PLD1: variants seen among roughly 807,000 people sequenced by gnomAD.
PLD1 encodes phospholipase D1.
PLD1 carries 112 observed loss-of-function variants against 137.1 expected under a neutral mutation model. That is an observed-to-expected ratio of 0.82 (90% CI 0.70 to 0.96). PLD1 has a LOEUF of 0.96. Ranked by LOEUF, PLD1 falls within the 40% of genes least tolerant of loss-of-function variation. The probability of loss-of-function intolerance (pLI) is 0.00; values close to 1 mark genes in which losing one functional copy is unlikely to be tolerated. For synonymous variants in PLD1, 431 were observed against 454.7 expected (o/e 0.95, Z 0.66); for missense variants, 1,321 against 1,342.0 (o/e 0.98, Z 0.24).
At chr3:171,706,821 C>T (rs908645499) in intron 11 of PLD1, among the ~76,000 whole-genome samples, 7 of 152,098 alleles carry the variant, frequency 4.6e-5, no homozygotes, top group Admixed American at 6.5e-5. Flanking sequence ...CTAGTGCAGT[C>T]GTGAAAAATA....
rs1413720177 is a variant in PLD1 at position 171,612,667 on chromosome 3, C to T, written c.2729-235G>A. Among the ~76,000 whole-genome samples the T allele has an allele frequency of 2.0e-5, 3 of 152,094 alleles. No individual in the cohort carries two copies. The highest frequency in any genetic ancestry group is 3.9e-4 in the East Asian group (2 of 5,184). ...TTAGTGACTGGCTTAGAAATGGGCTCTTGACATGGTGCTAGCCAATGTGAC... is the reference window on the plus strand; with the variant it reads ...TTAGTGACTGGCTTAGAAATGGGCTTTTGACATGGTGCTAGCCAATGTGAC... On this transcript the variant is annotated intron_variant, in intron 24 of 26. Transcript: ENST00000351298. This position sits in a 1 kb window ranked among gnomAD's most constrained non-coding sequence, Gnocchi z 4.1.
intron 1 of PLD1, among the ~76,000 whole-genome samples, chr3:171,755,375 C>G (rs1720950005): frequency 6.6e-6 from 1 of 152,134 alleles, no homozygotes; most frequent in Non-Finnish European, 1.5e-5. Flanking sequence ...ATACGAAGGA[C>G]ACTTCCCCAT....
intron 24 of PLD1, among the ~76,000 whole-genome samples, chr3:171,615,583 CA>C (rs1191392160): frequency 6.6e-6 from 1 of 151,748 alleles, no homozygotes; most frequent in African/African-American, 2.4e-5. Flanking sequence ...TCCTAAACAA[CA>C]AAAAAAGAGT....
rs1222262839 is a variant in PLD1 at position 171,669,863 on chromosome 3, T to A, written c.2229+4637A>T. Among the ~76,000 whole-genome samples, 2 of 152,260 alleles carry A rather than the reference T, an allele frequency of 1.3e-5. 1 individual carries two copies. The highest frequency in any genetic ancestry group is 1.3e-4 in the Admixed American group (2 of 15,288). On this transcript the variant is annotated intron_variant, in intron 19 of 26. Transcript: ENST00000351298. Reference sequence around the variant, plus strand: ...TGTTTTTTAAATGAATGAAACATACTGCAGAGTGAAGTAATTTTCCCGAGG... The same window carrying A: ...TGTTTTTTAAATGAATGAAACATACAGCAGAGTGAAGTAATTTTCCCGAGG...
intron 17 of PLD1, among the ~76,000 whole-genome samples, chr3:171,677,174 C>G (rs2108482318): frequency 1.3e-5 from 2 of 152,270 alleles, no homozygotes; most frequent in African/African-American, 4.8e-5. Flanking sequence ...GCAATGCCAT[C>G]TCTATCTCCT....
rs938977738 is a variant in PLD1 at position 171,661,975 on chromosome 3, G to A, written c.2340+85C>T. ...CAAAATATACTTATTAATATGAGGGGTCCTAAGTTTGGGGACCCTGAAATC... is the reference window on the plus strand; with the variant it reads ...CAAAATATACTTATTAATATGAGGGATCCTAAGTTTGGGGACCCTGAAATC... On this transcript the variant is annotated intron_variant, in intron 20 of 26. Coordinates refer to ENST00000351298, the MANE Select transcript of PLD1 (RefSeq NM_002662.5). The A allele has an allele frequency of 2.0e-5, 14 of 694,726 alleles. No individual in the cohort carries two copies. The East Asian group carries it at 3.3e-4, about 16-fold the overall frequency. The allele number at this position is 694,726 out of a possible 1,614,324, so 43.0% of individuals were successfully genotyped here. A position where few individuals can be genotyped will look rare whatever the true frequency, so the allele number is the denominator to read the frequency against.
chr3:171,672,954 C>G (rs1249319647), intron 19 of PLD1, among the ~76,000 whole-genome samples: 2 of 152,168 alleles, frequency 1.3e-5, no homozygotes, highest in Non-Finnish European at 2.9e-5. Context: ...GCTAAAACTT[C>G]CTTCATTGAT....
chr3:171,787,835 T>C (rs899115955), intron 1 of PLD1, among the ~76,000 whole-genome samples: 9 of 152,004 alleles, frequency 5.9e-5, no homozygotes, highest in Non-Finnish European at 1.2e-4. Flanking sequence ...TAGAACCAAC[T>C]TGGTTTTTTT....
intron 23 of PLD1, among the ~76,000 whole-genome samples, chr3:171,628,234 G>A (rs879423142): frequency 1.1e-4 from 16 of 152,168 alleles, no homozygotes; most frequent in Admixed American, 5.2e-4. Context: ...TACAAACACC[G>A]CTACGCAAAT....
At chr3:171,694,313 T>G (rs549872572) in intron 12 of PLD1, among the ~76,000 whole-genome samples, 1 of 152,196 alleles carries the variant, frequency 6.6e-6, no homozygotes, top group African/African-American at 2.4e-5. Context: ...TGCTAATTAT[T>G]TATTATAATT....
At chr3:171,708,001 G>A (rs1473472386) in intron 11 of PLD1, among the ~76,000 whole-genome samples, 2 of 152,202 alleles carry the variant, frequency 1.3e-5, no homozygotes, top group East Asian at 3.8e-4. Flanking sequence ...ACCGGATAGA[G>A]TAAAATAAGG....
chr3:171,738,074 G>T lies in PLD1; in HGVS notation c.-23C>A. 6.3e-7 allele frequency: 1 copy of T among 1,594,992 alleles called. No individual in the cohort carries two copies. The highest frequency in any genetic ancestry group is 8.6e-7 in the Non-Finnish European group (1 of 1,168,734). On this transcript the variant is annotated 5_prime_UTR_variant, in exon 2 of 27. Transcript: ENST00000351298. Reference sequence around the variant, plus strand: ...CATGTTAACTTTGGACAGAGTAAAAGCAAAGGGGCTAGGAAAGAAGAAAAC... The same window carrying T: ...CATGTTAACTTTGGACAGAGTAAAATCAAAGGGGCTAGGAAAGAAGAAAAC...
In PLD1 at chr3:171,677,652, A is replaced by G. The variant is rs1328767330; in HGVS notation, c.1910T>C (p.Leu637Pro). ...IRSLQTGVGE[L>P]HGETRFWHGK... ...ATGCCAGAATCTGGTTTCCCCATGC[A>G]GCTCTCCCACACCTGTCTGTAAACT... is the stretch of plus-strand genomic sequence containing the variant. Residue 637 changes from leucine (L) to proline (P), a missense_variant, in exon 17 of 27, where the codon CTG (leucine) becomes CCG (proline). Coordinates refer to ENST00000351298, the MANE Select transcript of PLD1 (RefSeq NM_002662.5). 1 of 1,613,984 alleles carries G rather than the reference A, an allele frequency of 6.2e-7. No individual in the cohort carries two copies.
chr3:171,702,158 A>C (rs1716302231), intron 11 of PLD1, among the ~76,000 whole-genome samples: 1 of 152,194 alleles, frequency 6.6e-6, no homozygotes, highest in Non-Finnish European at 1.5e-5. Context: ...AATATCAATA[A>C]AATTTGTGAA....
Position 171,612,500 on chromosome 3 carries a change from A to G in PLD1, c.2729-68T>C. On this transcript the variant is annotated intron_variant, in intron 24 of 26. Coordinates refer to ENST00000351298, the MANE Select transcript of PLD1 (RefSeq NM_002662.5). This position sits in a 1 kb window ranked among gnomAD's most constrained non-coding sequence, Gnocchi z 4.1. ...GCAGACACTGTTGGTTGCCCTCCCA[A>G]CTCAATTCATCCTTGCAAACAAAAC... The G allele has an allele frequency of 1.4e-6, 2 of 1,436,682 alleles. No homozygotes were observed. The highest frequency in any genetic ancestry group is 9.8e-7 in the Non-Finnish European group (1 of 1,025,056). 89.0% of individuals were successfully genotyped at this position (1,436,682 alleles called of 1,614,324 possible).
At chr3:171,639,612 TA>T (rs370552356) in intron 23 of PLD1, among the ~76,000 whole-genome samples, 74 of 71,378 alleles carry the variant, frequency 1.0e-3, no homozygotes, top group African/African-American at 2.5e-3. Context: ...TAATATATAT[TA>T]TATATAATAT....
chr3:171,731,260 T>A (rs1297172696), intron 6 of PLD1, among the ~76,000 whole-genome samples: 1 of 152,236 alleles, frequency 6.6e-6, no homozygotes, highest in Non-Finnish European at 1.5e-5. Context: ...CAGTAAAGCA[T>A]TTTTTAACAG....
intron 21 of PLD1, 121 bp downstream of exon 21, chr3:171,659,084 CCTATTGCT>C: frequency 4.4e-6 from 3 of 685,228 alleles, no homozygotes; most frequent in Non-Finnish European, 7.9e-6. Flanking sequence ...GCATCAATAA[CCTATTGCT>C]GGCTGAACCA....
chr3:171,661,922 C>A, intron 20 of PLD1, 138 bp downstream of exon 20: 2 of 551,796 alleles, frequency 3.6e-6, no homozygotes, highest in South Asian at 2.6e-5. Flanking sequence ...TGATATGAAC[C>A]AGAGCTTCTC....
Sources: gnomAD v4.1 joint callset for allele counts (sites outside exome capture counted in the v4.1 genomes callset) on GRCh38, gnomAD v4.1.1 for gene constraint, Gnocchi (gnomAD v3.1) non-coding constraint, MANE v1.5 for transcripts, NCBI Gene and HGNC (gene_info 2026-07-23, HGNC 2026-07-21) for gene names.